Variants in RAI14 observed in about 807,000 individuals in gnomAD.
RAI14 encodes retinoic acid induced 14.
In RAI14, 45 loss-of-function variants were observed where a neutral mutation model predicts 115.4. The ratio of observed to expected loss-of-function variants is 0.39; its 90% CI spans 0.31 to 0.50. RAI14 has a LOEUF of 0.50. Among genes scored for constraint, RAI14 ranks in the 20% least tolerant of loss-of-function variants. RAI14 has a pLI of 0.85. For synonymous variants in RAI14, 371 were observed against 415.4 expected (o/e 0.89, Z 1.30); for missense variants, 939 against 1,131.2 (o/e 0.83, Z 2.44).
intron 1 of RAI14, among the ~76,000 whole-genome samples, chr5:34,670,522 A>G (rs1315364620): frequency 1.3e-5 from 2 of 152,210 alleles, no homozygotes; most frequent in Non-Finnish European, 2.9e-5. Flanking sequence ...TGTGGCTGTT[A>G]TTATCATTGC....
chr5:34,665,226 C>T (rs1167387884), intron 1 of RAI14, among the ~76,000 whole-genome samples: 2 of 122,688 alleles, frequency 1.6e-5, no homozygotes, highest in African/African-American at 6.6e-5. Context: ...TTTATCCACT[C>T]ATTGATTGAT....
chr5:34,687,035 G>A (rs1744968894), intron 2 of RAI14, 80 bp downstream of exon 2: 2 of 1,499,742 alleles, frequency 1.3e-6, no homozygotes, highest in South Asian at 2.3e-5. Context: ...ACCTTGATAA[G>A]GCGCTGTTGG....
intron 2 of RAI14, among the ~76,000 whole-genome samples, chr5:34,747,177 G>A (rs1398448592): frequency 1.3e-5 from 2 of 152,206 alleles, no homozygotes; most frequent in Non-Finnish European, 2.9e-5. Flanking sequence ...CTCCTCTGGA[G>A]AGAACCAACT....
At chr5:34,800,306 C>T (rs576683436) in intron 4 of RAI14, among the ~76,000 whole-genome samples, 115 of 152,298 alleles carry the variant, frequency 7.6e-4, no homozygotes, top group Middle Eastern at 6.8e-3. Flanking sequence ...TTGTAATAGT[C>T]CAAGACTCTT....
chr5:34,716,224 G>T, intron 2 of RAI14: 1 of 337,606 alleles, frequency 3.0e-6, no homozygotes, highest in South Asian at 2.4e-5. Context: ...CTTTTGAGGT[G>T]AGTGGAAATT....
intron 2 of RAI14, among the ~76,000 whole-genome samples, chr5:34,732,197 A>T (rs1396797164): frequency 6.6e-6 from 1 of 152,140 alleles, no homozygotes; most frequent in Non-Finnish European, 1.5e-5. Context: ...CTGCCAGGGA[A>T]GGTGGTGTTT....
At chr5:34,757,858 C>T (rs1748105055) in intron 3 of RAI14, 2 of 261,700 alleles carry the variant, frequency 7.6e-6, no homozygotes, top group South Asian at 1.2e-4. Flanking sequence ...GTAGATGAGA[C>T]ATGAATTCTC....
chr5:34,698,999 C>G lies in RAI14; in HGVS notation c.36+12044C>G, dbSNP rs141608019. On this transcript the variant is annotated intron_variant, in intron 2 of 17. Transcript: ENST00000265109. ...TCTCCCTTGCACTGCCACACCCTGT[C>G]CTGCCGTGCCAGCCAAGTGTGAGTG... is the stretch of plus-strand genomic sequence containing the variant. 3.1e-3 allele frequency among the ~76,000 whole-genome samples: 471 copies of G among 152,264 alleles called. 3 individuals are homozygous for G. Among genetic ancestry groups the G allele is most frequent in the African/African-American group, 0.011 (447 of 41,540 alleles).
intron 5 of RAI14, 119 bp downstream of exon 5, chr5:34,803,895 C>G (rs1348177964): frequency 1.2e-6 from 1 of 848,480 alleles, no homozygotes; most frequent in Non-Finnish European, 1.8e-6. Context: ...GTCCCCAAAC[C>G]TGTGTTTCCT....
At chr5:34,759,501 A>G (rs1025936227) in intron 3 of RAI14, among the ~76,000 whole-genome samples, 1 of 152,146 alleles carries the variant, frequency 6.6e-6, no homozygotes, top group African/African-American at 2.4e-5. Context: ...TTCTCATAGT[A>G]GCACAAACCC....
At chr5:34,830,545 G>C in intron 17 of RAI14, 143 bp from the exon 18 acceptor site, 4 of 1,401,470 alleles carry the variant, frequency 2.9e-6, no homozygotes, top group Non-Finnish European at 2.8e-6. Flanking sequence ...TAGAAATTTG[G>C]GAAATGATAG....
At chr5:34,769,585 T>TA (rs778708053) in intron 3 of RAI14, among the ~76,000 whole-genome samples, 2 of 152,212 alleles carry the variant, frequency 1.3e-5, no homozygotes, top group Non-Finnish European at 2.9e-5. Flanking sequence ...TGGAATGGAA[T>TA]CCTAGACTTT....
At position 34,807,833 on chromosome 5, in the gene RAI14, G is replaced by A. The variant is rs763025731; in HGVS notation, c.355G>A (p.Gly119Arg). The change falls in exon 6 of 18, where the codon GGG becomes AGG. Residue 119 changes from glycine to arginine, a missense_variant. By Grantham distance (125) the Gly-to-Arg change is moderately radical. Coordinates refer to ENST00000265109, the MANE Select transcript of RAI14 (RefSeq NM_015577.3). ...KCPAESVDSSGKTALHYAAAQ... is the reference protein window; with the variant it reads ...KCPAESVDSSRKTALHYAAAQ... ...CCCAGCCGAAAGTGTCGACAGCTCT[G>A]GGAAAACAGCTTTACATTATGCAGG... is the stretch of plus-strand genomic sequence containing the variant. The A allele has an allele frequency of 2.0e-5, 33 of 1,611,214 alleles. No homozygotes were observed. In the South Asian group the frequency reaches 3.3e-4, roughly 16 times the overall value.
In RAI14 at chr5:34,657,322, G is replaced by T. The variant is rs114667483; in HGVS notation, c.-49+847G>T. The T allele has an allele frequency of 8.4e-3, 1,287 of 152,384 alleles. 8 individuals are homozygous for T. The highest frequency in any genetic ancestry group is 0.015 in the Non-Finnish European group (1,027 of 68,112). 9.4% of individuals were successfully genotyped at this position (152,384 alleles called of 1,614,324 possible). ...GGTGTCGGTTTAGTTTCTGCGGTTT[G>T]CAGGGTTGACATCCTAACTCCTTTG... On this transcript the variant is annotated intron_variant, in intron 1 of 17. Coordinates refer to ENST00000265109, the MANE Select transcript of RAI14 (RefSeq NM_015577.3).
chr5:34,763,600 A>G (rs536211163), intron 3 of RAI14, among the ~76,000 whole-genome samples: 9 of 152,352 alleles, frequency 5.9e-5, no homozygotes, highest in African/African-American at 2.2e-4. Context: ...CAAGATGCAT[A>G]ACACCTAGTC....
chr5:34,758,052 T>TA (rs879283673), intron 3 of RAI14, among the ~76,000 whole-genome samples: 161 of 152,352 alleles, frequency 1.1e-3, no homozygotes, highest in Admixed American at 2.0e-3. Context: ...CTTGCCATAA[T>TA]TAAAGCTGTA....
Position 34,752,703 on chromosome 5 carries a change from ATGTGTGTGTG to A in RAI14, c.37-4727_37-4718del, listed in dbSNP as rs71600953. Among the ~76,000 whole-genome samples the A allele has an allele frequency of 6.0e-3, 501 of 83,014 alleles. 12 individuals are homozygous for A. The highest frequency in any genetic ancestry group is 0.022 in the African/African-American group (389 of 17,492). 54.5% of individuals were successfully genotyped at this position (83,014 alleles called of 152,430 possible). A position where few individuals can be genotyped will look rare whatever the true frequency, so the allele number is the denominator to read the frequency against. On this transcript the variant is annotated intron_variant, in intron 2 of 17. Coordinates refer to ENST00000265109, the MANE Select transcript of RAI14 (RefSeq NM_015577.3). ...AGAAATATCTATATTTCTTACATAT[ATGTGTGTGTG>A]TGTGTGTGTGTGTGTGTGTGTGTGT...
At chr5:34,748,348 A>C (rs1746558747) in intron 2 of RAI14, among the ~76,000 whole-genome samples, 1 of 152,260 alleles carries the variant, frequency 6.6e-6, no homozygotes. Flanking sequence ...ACACTCTTTT[A>C]TGAAACTGCT....
intron 2 of RAI14, among the ~76,000 whole-genome samples, chr5:34,704,687 T>TA (rs1022447921): frequency 2.0e-5 from 3 of 152,226 alleles, no homozygotes; most frequent in African/African-American, 7.2e-5. Flanking sequence ...CAAATCTTTT[T>TA]AAAAAATCAT....
Sources: allele counts gnomAD v4.1 joint callset (sites outside exome capture counted in the v4.1 genomes callset), GRCh38; gene constraint gnomAD v4.1.1; transcripts MANE v1.5; gene names NCBI Gene and HGNC (gene_info 2026-07-23, HGNC 2026-07-21).